DLG2: variants seen among roughly 807,000 people sequenced by gnomAD.
The protein encoded by DLG2 is discs large MAGUK scaffold protein 2.
DLG2 carries 45 observed loss-of-function variants against 132.5 expected under a neutral mutation model. That is an observed-to-expected ratio of 0.34 (90% CI 0.27 to 0.44). The LOEUF is 0.44. Among genes scored for constraint, DLG2 ranks in the 20% least tolerant of loss-of-function variants. The pLI, the probability that DLG2 is intolerant of heterozygous loss-of-function variation, is 1.00. For synonymous variants in DLG2, 424 were observed against 419.6 expected, an observed-to-expected ratio of 1.01 and a Z score of -0.13; for missense variants, 1,045 against 1,196.9, an observed-to-expected ratio of 0.87 and a Z score of 1.87.
At chr11:83,498,372 A>G (rs990315970) in intron 21 of DLG2, among the ~76,000 whole-genome samples, 10 of 152,094 alleles carry the variant, frequency 6.6e-5, no homozygotes, top group South Asian at 2.1e-4. Flanking sequence ...ATAACAATGA[A>G]ATGAAATTAA....
intron 5 of DLG2, among the ~76,000 whole-genome samples, chr11:85,140,511 G>A (rs1186116159): frequency 6.6e-6 from 1 of 151,432 alleles, no homozygotes; most frequent in African/African-American, 2.4e-5. Context: ...AGCATAAAAT[G>A]TTTAATGATC....
chr11:84,753,420 G>A (rs1485626448), intron 6 of DLG2, among the ~76,000 whole-genome samples: 1 of 152,164 alleles, frequency 6.6e-6, no homozygotes, highest in Non-Finnish European at 1.5e-5. Flanking sequence ...GTAGTAAGAA[G>A]TAGCCATATT....
chr11:83,654,975 A>G (rs1566329204), intron 18 of DLG2, among the ~76,000 whole-genome samples: 1 of 152,236 alleles, frequency 6.6e-6, no homozygotes, highest in Non-Finnish European at 1.5e-5. Context: ...ATTCTGTATC[A>G]GGGTGTTGTA....
At chr11:84,359,655 A>G (rs1290901683) in intron 7 of DLG2, among the ~76,000 whole-genome samples, 4 of 151,870 alleles carry the variant, frequency 2.6e-5, no homozygotes, top group Admixed American at 2.0e-4. Context: ...AGAGATGTCA[A>G]AAACAGTGCT....
chr11:84,421,704 T>G (rs1431750073), intron 7 of DLG2, among the ~76,000 whole-genome samples: 1 of 152,172 alleles, frequency 6.6e-6, no homozygotes, highest in Admixed American at 6.5e-5. Flanking sequence ...ACCAAACCTT[T>G]TACCATCTGG....
At chr11:85,082,475 C>T (rs1278872770) in intron 6 of DLG2, among the ~76,000 whole-genome samples, 1 of 151,952 alleles carries the variant, frequency 6.6e-6, no homozygotes, top group Non-Finnish European at 1.5e-5. Flanking sequence ...GAGCTTTAGA[C>T]GTGAGAAGAA....
chr11:84,998,576 G>A (rs1188499507), intron 6 of DLG2, among the ~76,000 whole-genome samples: 1 of 152,062 alleles, frequency 6.6e-6, no homozygotes, highest in Non-Finnish European at 1.5e-5. Flanking sequence ...ATGTTCTAAG[G>A]TTCTGCATTT....
At chr11:85,498,516 A>G (rs2093721228) in intron 3 of DLG2, among the ~76,000 whole-genome samples, 1 of 152,330 alleles carries the variant, frequency 6.6e-6, no homozygotes, top group South Asian at 2.1e-4. Context: ...TATTAGACAG[A>G]TCAGCTAGAC....
intron 11 of DLG2, among the ~76,000 whole-genome samples, chr11:84,001,881 A>T (rs2094363791): frequency 6.6e-6 from 1 of 152,176 alleles, no homozygotes; most frequent in Non-Finnish European, 1.5e-5. Flanking sequence ...AAATCAAAAA[A>T]GTTCTTAAAA....
At chr11:84,244,027 C>T (rs2097269132) in intron 8 of DLG2, among the ~76,000 whole-genome samples, 1 of 152,166 alleles carries the variant, frequency 6.6e-6, no homozygotes, top group Non-Finnish European at 1.5e-5. Flanking sequence ...GGTGGGTTTA[C>T]AACCCAGTCG....
intron 11 of DLG2, among the ~76,000 whole-genome samples, chr11:84,010,443 C>A (rs970698043): frequency 6.6e-6 from 1 of 151,964 alleles, no homozygotes; most frequent in South Asian, 2.1e-4. Flanking sequence ...CAGGTGCATA[C>A]GACTACCCCA....
chr11:84,532,353 T>C (rs915432459), intron 7 of DLG2, among the ~76,000 whole-genome samples: 6 of 152,142 alleles, frequency 3.9e-5, no homozygotes, highest in Non-Finnish European at 7.4e-5. Context: ...ATCACCATAT[T>C]ATCAATTCTA....
intron 7 of DLG2, among the ~76,000 whole-genome samples, chr11:84,324,645 C>CAATA (rs2098421859): frequency 1.3e-5 from 2 of 151,960 alleles, no homozygotes; most frequent in South Asian, 4.2e-4. Flanking sequence ...GACATTTTAA[C>CAATA]AATATTATCT....
chr11:85,359,849 G>A lies in DLG2; in HGVS notation c.41-74484C>T, dbSNP rs923621741. Among the ~76,000 whole-genome samples the A allele has an allele frequency of 6.6e-5, 10 of 152,064 alleles. 1 individual carries two copies. The highest frequency in any genetic ancestry group is 1.5e-4 in the Non-Finnish European group (10 of 68,010). ...ACAAAAAAAGGAAGAGGTTCTCCCC[G>A]TCACACACAAAAGAAAAGAAGATTT... On this transcript the variant is annotated intron_variant, in intron 3 of 27. Transcript: ENST00000376104.
chr11:84,563,169 G>A (rs979399796), intron 6 of DLG2, among the ~76,000 whole-genome samples: 3 of 152,156 alleles, frequency 2.0e-5, no homozygotes, highest in Non-Finnish European at 4.4e-5. Flanking sequence ...ATACATATAT[G>A]TTGAATATAA....
In DLG2 at chr11:83,980,641, A is replaced by G. The variant is rs1383633225; in HGVS notation, c.921T>C (p.Gly307=). The change falls in exon 12 of 28, where the codon GGT becomes GGC. Residue 307 remains glycine, a splice_region_variant and synonymous_variant. Transcript: ENST00000376104. ...VEIKLFKGPK[G]LGFSIAGGVG... ...CACCTCCTGCAATACTGAAGCCTAA[A>G]CCTATAAGAAAGGAACAGAAAATGG... 1 of 1,589,666 alleles carries G rather than the reference A, an allele frequency of 6.3e-7. No homozygotes were observed. The highest frequency in any genetic ancestry group is 1.2e-5 in the South Asian group (1 of 86,446).
At chr11:84,349,688 T>G (rs1160734354) in intron 7 of DLG2, among the ~76,000 whole-genome samples, 3 of 152,158 alleles carry the variant, frequency 2.0e-5, no homozygotes, top group African/African-American at 7.2e-5. Flanking sequence ...CTGAACAGTC[T>G]TAACTAACAA....
intron 5 of DLG2, among the ~76,000 whole-genome samples, chr11:85,150,010 A>ATTTTTTTTTTTTTTTTTTTTTTTTTT (rs962380618): frequency 2.7e-5 from 3 of 112,304 alleles, no homozygotes; most frequent in South Asian, 2.9e-4. Flanking sequence ...TCAGTTTTTA[A>ATTTTTTTTTTTTTTTTTTTTTTTTTT]TTTTTTTTTT....
chr11:85,621,162 G>A (rs1264888409), intron 2 of DLG2, among the ~76,000 whole-genome samples: 1 of 151,298 alleles, frequency 6.6e-6, no homozygotes, highest in Non-Finnish European at 1.5e-5. Flanking sequence ...CAGCACATCC[G>A]TTTACAGCAT....
Sources: allele counts gnomAD v4.1 joint callset (sites outside exome capture counted in the v4.1 genomes callset), GRCh38; gene constraint gnomAD v4.1.1; transcripts MANE v1.5; gene names NCBI Gene and HGNC (gene_info 2026-07-23, HGNC 2026-07-21).